The following ERBB4 variants were observed in gnomAD, a reference collection of about 807,000 sequenced individuals.
The protein encoded by ERBB4 is receptor tyrosine-protein kinase erbB-4.
Under a neutral mutation model 158.0 loss-of-function variants are expected in ERBB4, and 42 were observed. That is an observed-to-expected ratio of 0.27 (90% CI 0.21 to 0.34). ERBB4 has a LOEUF of 0.34. Ranked by LOEUF, ERBB4 falls within the 10% of genes least tolerant of loss-of-function variation. ERBB4 has a pLI of 1.00. For missense variants in ERBB4, 1,333 were observed against 1,624.1 expected (o/e 0.82, Z 3.08); for synonymous variants, 583 against 558.7 (o/e 1.04, Z -0.61).
At chr2:212,192,524 T>A (rs2082304426) in intron 1 of ERBB4, among the ~76,000 whole-genome samples, 2 of 152,040 alleles carry the variant, frequency 1.3e-5, no homozygotes. Context: ...TTTCTCAGAA[T>A]TAGCTGAAAA....
At chr2:211,955,122 G>A (rs143158242) in intron 2 of ERBB4, among the ~76,000 whole-genome samples, 3 of 152,108 alleles carry the variant, frequency 2.0e-5, no homozygotes, top group Non-Finnish European at 2.9e-5. Context: ...TACATACTGC[G>A]TGAAATAATA....
rs141250083 is a variant in ERBB4 at position 212,405,491 on chromosome 2, C to T, written c.82+132958G>A. Among the ~76,000 whole-genome samples, 5 of 152,196 alleles carry T rather than the reference C, an allele frequency of 3.3e-5. No homozygotes were observed. In the East Asian group the frequency reaches 9.6e-4, roughly 29 times the overall value. On this transcript the variant is annotated intron_variant, in intron 1 of 27. Coordinates refer to ENST00000342788, the MANE Select transcript of ERBB4 (RefSeq NM_005235.3). The stretch of plus-strand genomic sequence containing the variant: ...CAGCAATCCCATTACTGGGTATATA[C>T]TCAGAGGAATTTAAATCATTCTACC...
At chr2:212,301,416 T>C (rs537598144) in intron 1 of ERBB4, among the ~76,000 whole-genome samples, 2 of 151,456 alleles carry the variant, frequency 1.3e-5, no homozygotes, top group Non-Finnish European at 3.0e-5. Flanking sequence ...TAGAGACCAA[T>C]ATATCTCACT....
chr2:211,630,533 T>C lies in ERBB4; in HGVS notation c.2008A>G (p.Thr670Ala), dbSNP rs2070069283. Residue 670 changes from threonine to alanine, a missense_variant, in exon 17 of 28, where the codon ACA becomes GCA. This residue lies in a region of ERBB4 where 245 missense variants were observed against 247.5 expected (regional missense o/e 0.99). Transcript: ENST00000342788. ...GLFILVIVGL[T>A]FAVYVRRKSI... ...TTCCTTCTAACATAAACAGCAAATG[T>C]CAGACCCACAATGACCAGAATGAAG... 3 of 1,613,526 alleles carry C rather than the reference T, an allele frequency of 1.9e-6. No homozygotes were observed. The highest frequency in any genetic ancestry group is 2.2e-5 in the South Asian group (2 of 91,064).
intron 4 of ERBB4, among the ~76,000 whole-genome samples, chr2:211,772,850 T>TATATATACAC (rs2075737517): frequency 8.9e-5 from 6 of 67,526 alleles, no homozygotes; most frequent in African/African-American, 3.5e-4. Context: ...TATATATATA[T>TATATATACAC]ATATATATAT....
At chr2:211,436,872 T>C (rs544039829) in intron 20 of ERBB4, among the ~76,000 whole-genome samples, 5 of 152,336 alleles carry the variant, frequency 3.3e-5, no homozygotes, top group South Asian at 4.1e-4. Flanking sequence ...TTAAAAGATT[T>C]GGTGCCCTCT....
At chr2:212,264,002 A>G (rs2085039933) in intron 1 of ERBB4, among the ~76,000 whole-genome samples, 1 of 152,086 alleles carries the variant, frequency 6.6e-6, no homozygotes, top group Non-Finnish European at 1.5e-5. Flanking sequence ...CATGTTGTGT[A>G]CAACTTTTTC....
intron 21 of ERBB4, among the ~76,000 whole-genome samples, chr2:211,429,221 TCA>T (rs1400974236): frequency 1.3e-5 from 2 of 152,122 alleles, no homozygotes; most frequent in African/African-American, 2.4e-5. Context: ...TGTTATACTT[TCA>T]GTTATCCCTT....
Position 211,414,500 on chromosome 2 carries a change from T to TA in ERBB4, c.3135+5940dup, listed in dbSNP as rs71047174. ...GACAGAGCCAAGACACAGTCTCAAT[T>TA]AAAAAAAAAAAAAAAAAAAAAAAGA... On this transcript the variant is annotated intron_variant, in intron 25 of 27. Transcript: ENST00000342788. Among the ~76,000 whole-genome samples the TA allele has an allele frequency of 2.9e-3, 301 of 102,062 alleles. 2 individuals carry two copies. Among genetic ancestry groups the TA allele is most frequent in the East Asian group, 0.023 (85 of 3,708 alleles). The allele number at this position is 102,062 out of a possible 152,430, so 67.0% of individuals were successfully genotyped here. A position where few individuals can be genotyped will look rare whatever the true frequency, so the allele number is the denominator to read the frequency against.
chr2:212,065,531 G>C lies in ERBB4; in HGVS notation c.234+59221C>G, dbSNP rs76501676. Among the ~76,000 whole-genome samples the C allele has an allele frequency of 1.8e-3, 281 of 152,100 alleles. 6 individuals are homozygous for C. In the East Asian group the frequency reaches 0.047, roughly 26 times the overall value. On this transcript the variant is annotated intron_variant, in intron 2 of 27. Transcript: ENST00000342788. ...TTATAAATGTCTAAGTTAATATCCA[G>C]ATTACTTTACTTTTCAAAAGCAGAT...
intron 1 of ERBB4, among the ~76,000 whole-genome samples, chr2:212,224,497 G>A (rs937910619): frequency 2.8e-4 from 43 of 151,698 alleles, no homozygotes; most frequent in Admixed American, 2.3e-3. Context: ...GCTGCCAGCT[G>A]AGCAAAAAAG....
intron 2 of ERBB4, among the ~76,000 whole-genome samples, chr2:212,015,039 AAAATATATATATATAT>A (rs2076479846): frequency 2.8e-4 from 4 of 14,436 alleles, no homozygotes; most frequent in African/African-American, 5.5e-4. Flanking sequence ...AAAAAAAAAA[AAAATATATATATATAT>A]ATATATATAT....
chr2:211,770,886 T>C (rs1236310888), intron 4 of ERBB4, among the ~76,000 whole-genome samples: 4 of 152,162 alleles, frequency 2.6e-5, no homozygotes, highest in African/African-American at 9.7e-5. Context: ...TTATTGAAAT[T>C]AATGACATAG....
intron 1 of ERBB4, among the ~76,000 whole-genome samples, chr2:212,497,727 G>T (rs1690658869): frequency 6.6e-6 from 1 of 151,970 alleles, no homozygotes; most frequent in Admixed American, 6.6e-5. Flanking sequence ...ATCTGTGAAA[G>T]AAATAAAAAA....
intron 7 of ERBB4, among the ~76,000 whole-genome samples, chr2:211,714,194 A>G (rs548528683): frequency 5.9e-5 from 9 of 152,244 alleles, no homozygotes; most frequent in Non-Finnish European, 1.2e-4. Flanking sequence ...GGTATATCAA[A>G]TAGACAAGGA....
intron 3 of ERBB4, among the ~76,000 whole-genome samples, chr2:211,853,270 A>C (rs987719995): frequency 6.6e-6 from 1 of 152,000 alleles, no homozygotes; most frequent in Admixed American, 6.6e-5. Flanking sequence ...CCTATAGTAC[A>C]TCAATGAGTG....
intron 20 of ERBB4, among the ~76,000 whole-genome samples, chr2:211,461,083 G>C (rs1264143277): frequency 8.5e-6 from 1 of 117,952 alleles, no homozygotes; most frequent in African/African-American, 2.8e-5. Flanking sequence ...TAGAGATTGG[G>C]GGAAAAAAAA....
chr2:211,399,261 T>C (rs2062984529), intron 25 of ERBB4, among the ~76,000 whole-genome samples: 1 of 152,236 alleles, frequency 6.6e-6, no homozygotes, highest in Non-Finnish European at 1.5e-5. Flanking sequence ...TGTTTAGAAA[T>C]GGATTCACTC....
At chr2:211,915,342 T>TA (rs1438250513) in intron 3 of ERBB4, among the ~76,000 whole-genome samples, 1 of 152,012 alleles carries the variant, frequency 6.6e-6, no homozygotes, top group Non-Finnish European at 1.5e-5. Context: ...ATAACAATCT[T>TA]AATTAAAGTT....
Sources: gnomAD v4.1 joint callset for allele counts (sites outside exome capture counted in the v4.1 genomes callset) on GRCh38, gnomAD v4.1.1 for gene constraint, gnomAD v4.1.1 regional missense constraint, MANE v1.5 for transcripts, NCBI Gene and HGNC (gene_info 2026-07-23, HGNC 2026-07-21) for gene names.